The following DCBLD1 variants were observed in gnomAD, a reference collection of about 807,000 sequenced individuals.
DCBLD1 encodes discoidin, CUB and LCCL domain containing 1, also known as discoidin, CUB and LCCL domain-containing protein 1.
DCBLD1 carries 57 observed loss-of-function variants against 71.5 expected under a neutral mutation model. The ratio of observed to expected loss-of-function variants is 0.80; its 90% CI spans 0.64 to 0.99. DCBLD1 has a LOEUF of 0.99. Among genes scored for constraint, DCBLD1 ranks in the 50% least tolerant of loss-of-function variants. The pLI, the probability that DCBLD1 is intolerant of heterozygous loss-of-function variation, is 0.00. For missense variants in DCBLD1, 891 were observed against 923.5 expected (o/e 0.96, Z 0.46); for synonymous variants, 380 against 363.8 (o/e 1.04, Z -0.51).
intron 2 of DCBLD1, among the ~76,000 whole-genome samples, chr6:117,513,602 G>C (rs1247151442): frequency 6.6e-6 from 1 of 152,236 alleles, no homozygotes; most frequent in Non-Finnish European, 1.5e-5. Flanking sequence ...CTTGCAGACA[G>C]GGATAGATAG....
At chr6:117,497,258 A>C (rs1348417957) in intron 1 of DCBLD1, among the ~76,000 whole-genome samples, 2 of 152,368 alleles carry the variant, frequency 1.3e-5, no homozygotes, top group South Asian at 2.1e-4. Flanking sequence ...TTTTCCAACA[A>C]GTGCAATTCA....
intron 1 of DCBLD1, among the ~76,000 whole-genome samples, chr6:117,503,354 C>T (rs1203265401): frequency 2.0e-5 from 3 of 152,216 alleles, no homozygotes; most frequent in Non-Finnish European, 2.9e-5. Flanking sequence ...TACATTATCT[C>T]ATTTAATCAG....
Position 117,519,900 on chromosome 6 carries a change from A to T in DCBLD1, c.410A>T (p.His137Leu), listed in dbSNP as rs758016311. Residue 137 changes from histidine to leucine, a missense_variant, in exon 3 of 15, where the codon CAC (histidine) becomes CTC (leucine). By Grantham distance (99) the His-to-Leu change is moderately conservative. Transcript: ENST00000338728. ...EVTVRFESGSHISGRGFLLTY... is the reference protein window; with the variant it reads ...EVTVRFESGSLISGRGFLLTY... ...ACCGTCCGCTTTGAGAGTGGATCCC[A>T]CATTTCTGGCCGGGGTTTTTTGCTG... is the stretch of plus-strand genomic sequence containing the variant. 6.2e-7 allele frequency: 1 copy of T among 1,614,168 alleles called. No individual in the cohort carries two copies.
chr6:117,536,333 C>A (rs957088800), intron 6 of DCBLD1, among the ~76,000 whole-genome samples: 2 of 152,118 alleles, frequency 1.3e-5, no homozygotes, highest in Non-Finnish European at 2.9e-5. Flanking sequence ...AATGTTGAGG[C>A]CCCCAGATTT....
chr6:117,514,239 T>A (rs1017332915), intron 2 of DCBLD1, among the ~76,000 whole-genome samples: 5 of 152,228 alleles, frequency 3.3e-5, no homozygotes, highest in African/African-American at 9.6e-5. Context: ...AGTATTCAAC[T>A]CTTATCCCCC....
chr6:117,486,116 G>A (rs1777077337), intron 1 of DCBLD1, among the ~76,000 whole-genome samples: 1 of 152,194 alleles, frequency 6.6e-6, no homozygotes, highest in Non-Finnish European at 1.5e-5. Context: ...CTTTAACCTT[G>A]TGGAACTGAC....
At chr6:117,554,491 GATTA>G (rs1376796234), downstream of DCBLD1, among the ~76,000 whole-genome samples, 1 of 152,166 alleles carries the variant, frequency 6.6e-6, no homozygotes, top group African/African-American at 2.4e-5. Context: ...CCAGTCAGAT[GATTA>G]ATTACATAAT....
rs745787664 is a variant in DCBLD1 at position 117,569,558 on chromosome 6, T to G, written c.1616-62T>G. 5 of 1,611,478 alleles carry G rather than the reference T, an allele frequency of 3.1e-6. No homozygotes were observed. The South Asian group carries it at 5.5e-5, about 18-fold the overall frequency. ...ATTGATAGATCCAGTTCTAATTACA[T>G]GAAGGGAATTTACCTGCTGAGAAAG... On this transcript the variant is annotated intron_variant, in intron 14 of 14. Transcript: ENST00000296955.
At chr6:117,491,576 G>T (rs1777295312) in intron 1 of DCBLD1, among the ~76,000 whole-genome samples, 1 of 152,064 alleles carries the variant, frequency 6.6e-6, no homozygotes, top group African/African-American at 2.4e-5. Context: ...AATGTTATGA[G>T]CACACCTAAG....
chr6:117,537,991 T>C (rs577896595), intron 7 of DCBLD1, among the ~76,000 whole-genome samples: 2 of 152,278 alleles, frequency 1.3e-5, no homozygotes, highest in South Asian at 4.2e-4. Flanking sequence ...TTACTGAAAA[T>C]GAGTATATAA....
intron 14 of DCBLD1, chr6:117,561,947 A>G (rs1351216872): frequency 9.6e-6 from 2 of 208,332 alleles, no homozygotes; most frequent in African/African-American, 4.5e-5. Context: ...AATACCAGAA[A>G]TGAAGATACT....
intron 14 of DCBLD1, among the ~76,000 whole-genome samples, chr6:117,546,343 G>C (rs1249723713): frequency 6.6e-6 from 1 of 152,100 alleles, no homozygotes; most frequent in Non-Finnish European, 1.5e-5. Context: ...CTGCGCTCTG[G>C]CTTCTCCCTC....
chr6:117,516,901 G>A (rs210614), intron 2 of DCBLD1, among the ~76,000 whole-genome samples: 63,029 of 151,920 alleles, frequency 0.41, 13,644 homozygotes, highest in Non-Finnish European at 0.45. Flanking sequence ...ACCTCCCACC[G>A]GGTCCCTCCC....
chr6:117,530,394 G>A (rs190402417), intron 5 of DCBLD1, among the ~76,000 whole-genome samples: 253 of 152,250 alleles, frequency 1.7e-3, no homozygotes, highest in African/African-American at 5.7e-3. Context: ...CCTCACATGC[G>A]CAGTTGTCAG....
downstream of DCBLD1, among the ~76,000 whole-genome samples, chr6:117,553,571 G>T (rs1308345032): frequency 6.6e-6 from 1 of 151,778 alleles, no homozygotes; most frequent in African/African-American, 2.4e-5. Flanking sequence ...GTCTTTCTTC[G>T]AACAGTGATC....
intron 2 of DCBLD1, among the ~76,000 whole-genome samples, chr6:117,505,688 C>T (rs1020539298): frequency 6.6e-6 from 1 of 152,142 alleles, no homozygotes; most frequent in African/African-American, 2.4e-5. Flanking sequence ...CAGAAAAGGT[C>T]AGGGGCGGTG....
intron 3 of DCBLD1, among the ~76,000 whole-genome samples, chr6:117,520,159 C>A (rs1455641058): frequency 6.6e-6 from 1 of 152,038 alleles, no homozygotes; most frequent in Non-Finnish European, 1.5e-5. Flanking sequence ...CTTCCCTGGG[C>A]CACATTAGAA....
chr6:117,526,087 G>T (rs1203890612), intron 5 of DCBLD1, among the ~76,000 whole-genome samples: 2 of 152,200 alleles, frequency 1.3e-5, no homozygotes, highest in African/African-American at 4.8e-5. Context: ...CTATTGTTGT[G>T]AAACTGTTCT....
At chr6:117,542,521 C>A (rs1354224588) in intron 11 of DCBLD1, among the ~76,000 whole-genome samples, 2 of 152,076 alleles carry the variant, frequency 1.3e-5, no homozygotes, top group African/African-American at 4.8e-5. Flanking sequence ...TGGTGGCTGT[C>A]AAAGTGTCCT....
Sources: allele counts gnomAD v4.1 joint callset (sites outside exome capture counted in the v4.1 genomes callset), GRCh38; gene constraint gnomAD v4.1.1; transcripts MANE v1.5; gene names NCBI Gene and HGNC (gene_info 2026-07-23, HGNC 2026-07-21).